TXLNB: variants seen among roughly 807,000 people sequenced by gnomAD.
TXLNB encodes taxilin beta.
Under a neutral mutation model 57.4 loss-of-function variants are expected in TXLNB, and 37 were observed. The ratio of observed to expected loss-of-function variants is 0.64; its 90% CI spans 0.50 to 0.85. The LOEUF is 0.85. TXLNB is among the 40% of genes least tolerant of loss of function. The pLI, the probability that TXLNB is intolerant of heterozygous loss-of-function variation, is 0.00. For missense variants in TXLNB, 848 were observed against 825.6 expected (o/e 1.03, Z -0.33); for synonymous variants, 302 against 309.6 (o/e 0.98, Z 0.26).
At chr6:139,226,756 C>T in the TXLNB span, among the ~76,000 whole-genome samples, 18 of 152,098 alleles carry the variant, frequency 1.2e-4, no homozygotes, top group African/African-American at 4.3e-4. Context: ...GGGTCAGGTG[C>T]ATGGCTCATG....
At chr6:139,310,830 G>C in the TXLNB span, among the ~76,000 whole-genome samples, 1 of 152,156 alleles carries the variant, frequency 6.6e-6, no homozygotes, top group African/African-American at 2.4e-5. Context: ...GAGTACCTGG[G>C]ATTACAGGCA....
the TXLNB span, chr6:139,169,540 T>TA: frequency 6.6e-6 from 1 of 152,372 alleles, no homozygotes; most frequent in Non-Finnish European, 1.5e-5. Context: ...TAACTCCCTT[T>TA]ATCTTGTAGC....
At chr6:139,171,547 G>A in the TXLNB span, among the ~76,000 whole-genome samples, 9 of 152,302 alleles carry the variant, frequency 5.9e-5, no homozygotes, top group East Asian at 1.9e-4. Flanking sequence ...AATCCATGCC[G>A]TCTTATTTGT....
At position 139,270,579 on chromosome 6, in the gene TXLNB, CT is replaced by C; in HGVS notation, c.563del (p.Lys188ArgfsTer41). 4 of 1,614,070 alleles carry C rather than the reference CT, an allele frequency of 2.5e-6. No homozygotes were observed. ...TTTCTTTTTGAATTTGTACCTGTTT[CT>C]TTTGGAGGAGCTTTAACTTCTTTTG... ...TEQKKLKLLQ[K>X]KQVQIQKEKD... On this transcript the variant is annotated frameshift_variant, in exon 4 of 10. Transcript: ENST00000358430. LOFTEE classifies it high-confidence loss of function.
the TXLNB span, among the ~76,000 whole-genome samples, chr6:139,192,762 G>A: frequency 2.1e-5 from 3 of 145,904 alleles, no homozygotes; most frequent in Non-Finnish European, 4.5e-5. Context: ...GGCTAACACA[G>A]TAAAACCCCG....
chr6:139,221,214 A>G, the TXLNB span, among the ~76,000 whole-genome samples: 1 of 152,236 alleles, frequency 6.6e-6, no homozygotes, highest in African/African-American at 2.4e-5. Flanking sequence ...TTCATGGGGC[A>G]TCAGAAACAA....
the TXLNB span, among the ~76,000 whole-genome samples, chr6:139,172,177 T>C: frequency 3.0e-4 from 46 of 152,296 alleles, no homozygotes; most frequent in African/African-American, 1.1e-3. Context: ...TTGCCCAGGC[T>C]GGTCTTGAAC....
chr6:139,291,940 C>T lies in TXLNB; in HGVS notation c.-34G>A, dbSNP rs879193015. On this transcript the variant is annotated 5_prime_UTR_variant, in exon 1 of 10. Coordinates refer to ENST00000358430, the MANE Select transcript of TXLNB (RefSeq NM_153235.4). ...ACTTACCAGAAGGCAAGAAGCTAAG[C>T]AAGAAGAGAGAGGAGAGGAAGGAGG... 2 of 152,608 alleles carry T rather than the reference C, an allele frequency of 1.3e-5. No homozygotes were observed. Among genetic ancestry groups the T allele is most frequent in the Admixed American group, 1.3e-4 (2 of 15,274 alleles). 9.5% of individuals were successfully genotyped at this position (152,608 alleles called of 1,614,324 possible).
the TXLNB span, among the ~76,000 whole-genome samples, chr6:139,319,183 C>T: frequency 2.0e-5 from 3 of 151,832 alleles, no homozygotes; most frequent in African/African-American, 7.3e-5. Flanking sequence ...ACCTCGTGAT[C>T]TGCCCGCCTC....
chr6:139,220,434 G>A, the TXLNB span, among the ~76,000 whole-genome samples: 1 of 152,206 alleles, frequency 6.6e-6, no homozygotes, highest in African/African-American at 2.4e-5. Context: ...TAGTTTATGG[G>A]GTGAATATCT....
At chr6:139,228,463 T>A in the TXLNB span, among the ~76,000 whole-genome samples, 1 of 149,632 alleles carries the variant, frequency 6.7e-6, no homozygotes, top group African/African-American at 2.5e-5. Flanking sequence ...GAGGCAGAAG[T>A]TGCAGTGAGC....
At chr6:139,184,588 G>A in the TXLNB span, among the ~76,000 whole-genome samples, 4 of 135,680 alleles carry the variant, frequency 2.9e-5, no homozygotes, top group Non-Finnish European at 4.7e-5. Flanking sequence ...ATAAGGTGAC[G>A]TTTTCACAGT....
At chr6:139,164,713 G>A in the TXLNB span, among the ~76,000 whole-genome samples, 5 of 152,112 alleles carry the variant, frequency 3.3e-5, no homozygotes, top group South Asian at 2.1e-4. Context: ...CAAGACACAA[G>A]TGGGGAAGGC....
rs201223278 is a variant in TXLNB at position 139,266,965 on chromosome 6, G to GAAAAAAAAAA, written c.687+3481_687+3490dup. 1.1e-4 allele frequency among the ~76,000 whole-genome samples: 12 copies of GAAAAAAAAAA among 110,496 alleles called. 2 individuals are homozygous for GAAAAAAAAAA. Among genetic ancestry groups the GAAAAAAAAAA allele is most frequent in the African/African-American group, 2.7e-4 (9 of 33,926 alleles). 72.5% of individuals were successfully genotyped at this position (110,496 alleles called of 152,430 possible). On this transcript the variant is annotated intron_variant, in intron 4 of 9. Transcript: ENST00000358430. The stretch of plus-strand genomic sequence containing the variant: ...TGGCACATTTATTTAAGGCTAAAAG[G>GAAAAAAAAAA]AAAAAAAAAAAAAAAACCCACGAAT...
chr6:139,204,218 G>A, the TXLNB span, among the ~76,000 whole-genome samples: 4 of 152,006 alleles, frequency 2.6e-5, no homozygotes, highest in East Asian at 1.9e-4. Context: ...TACCATGCCC[G>A]GCTAATTTTT....
chr6:139,255,311 T>C (rs1776307360), intron 7 of TXLNB: 1 of 513,874 alleles, frequency 1.9e-6, no homozygotes, highest in Non-Finnish European at 3.7e-6. Context: ...ACCACTGTAC[T>C]GTCATCCATT....
the TXLNB span, among the ~76,000 whole-genome samples, chr6:139,212,331 C>T: frequency 6.6e-6 from 1 of 152,054 alleles, no homozygotes; most frequent in Non-Finnish European, 1.5e-5. Flanking sequence ...ATTCAACATT[C>T]TTAAAGAAAA....
upstream of TXLNB, chr6:139,292,082 G>A (rs201574834): frequency 0.22 from 30,183 of 134,882 alleles, 3,451 homozygotes; most frequent in African/African-American, 0.46. The surrounding 1 kb of genome is among the most constrained non-coding windows in gnomAD (Gnocchi z 4.0). Flanking sequence ...GCACGCACGC[G>A]CGCGCACACA....
the TXLNB span, among the ~76,000 whole-genome samples, chr6:139,188,997 T>C: frequency 6.6e-6 from 1 of 152,214 alleles, no homozygotes; most frequent in Non-Finnish European, 1.5e-5. Context: ...CCTCAGGTGA[T>C]CCACCCACCT....
Sources: allele counts gnomAD v4.1 joint callset (sites outside exome capture counted in the v4.1 genomes callset), GRCh38; gene constraint gnomAD v4.1.1; non-coding constraint Gnocchi (gnomAD v3.1); transcripts MANE v1.5; gene names NCBI Gene and HGNC (gene_info 2026-07-23, HGNC 2026-07-21).